MROH2B: variants seen among roughly 807,000 people sequenced by gnomAD.
The protein encoded by MROH2B is maestro heat like repeat family member 2B, also known as maestro heat-like repeat-containing protein family member 2B.
In MROH2B, 177 loss-of-function variants were observed where a neutral mutation model predicts 208.6. The observed-to-expected ratio is 0.85, with a 90% confidence interval of 0.75 to 0.96. MROH2B has a LOEUF of 0.96. Ranked by LOEUF, MROH2B falls within the 40% of genes least tolerant of loss-of-function variation. The probability of loss-of-function intolerance (pLI) is 0.00; values close to 1 mark genes in which losing one functional copy is unlikely to be tolerated. For synonymous variants in MROH2B, 728 were observed against 659.0 expected, an observed-to-expected ratio of 1.10 and a Z score of -1.60; for missense variants, 2,002 against 1,878.7, an observed-to-expected ratio of 1.07 and a Z score of -1.21.
chr5:41,059,400 C>T (rs577420426), intron 6 of MROH2B, among the ~76,000 whole-genome samples: 2 of 152,096 alleles, frequency 1.3e-5, no homozygotes, highest in Non-Finnish European at 2.9e-5. Context: ...TGACTTATTT[C>T]CTATGTTTTC....
Position 41,071,159 on chromosome 5 carries a change from G to A in MROH2B, c.-307C>T. On this transcript the variant is annotated 5_prime_UTR_variant, in exon 1 of 42. Transcript: ENST00000399564. ...GGTGACCAGAGTATTTGGGAAAGAAGTAATTAGAGACTGGGATTCAAACCA... is the reference window on the plus strand; with the variant it reads ...GGTGACCAGAGTATTTGGGAAAGAAATAATTAGAGACTGGGATTCAAACCA... The A allele has an allele frequency of 3.2e-6, 1 of 317,420 alleles. No homozygotes were observed. Among genetic ancestry groups the A allele is most frequent in the Non-Finnish European group, 5.8e-6 (1 of 171,434 alleles). The allele number at this position is 317,420 out of a possible 1,614,324, so 19.7% of individuals were successfully genotyped here. A position where few individuals can be genotyped will look rare whatever the true frequency, so the allele number is the denominator to read the frequency against.
Position 41,067,230 on chromosome 5 carries a change from C to T in MROH2B, c.91-12G>A, listed in dbSNP as rs1272405356. 1 of 1,451,412 alleles carries T rather than the reference C, an allele frequency of 6.9e-7. No individual in the cohort carries two copies. 89.9% of individuals were successfully genotyped at this position (1,451,412 alleles called of 1,614,324 possible). On this transcript the variant is annotated splice_polypyrimidine_tract_variant and intron_variant, in intron 2 of 41. Coordinates refer to ENST00000399564, the MANE Select transcript of MROH2B (RefSeq NM_173489.5). ...CTGTAAATGTCTTCCTGTGAATATA[C>T]AAAGGCATACACAGAAATTTGGCTT...
chr5:41,067,527 C>T (rs548608480), intron 2 of MROH2B, among the ~76,000 whole-genome samples: 81 of 152,018 alleles, frequency 5.3e-4, no homozygotes, highest in African/African-American at 1.5e-3. Flanking sequence ...CCACCATGCC[C>T]GAATAATTTT....
At chr5:41,049,781 C>T (rs1245137046) in intron 13 of MROH2B, among the ~76,000 whole-genome samples, 1 of 152,148 alleles carries the variant, frequency 6.6e-6, no homozygotes, top group Admixed American at 6.6e-5. Context: ...ATGTGACAAC[C>T]AAAAATCCCC....
chr5:41,012,747 C>A lies in MROH2B; in HGVS notation c.2983-12G>T. On this transcript the variant is annotated splice_polypyrimidine_tract_variant and intron_variant, in intron 29 of 41. Transcript: ENST00000399564. ...AACTTACTGACAATCTGAAAATGCA[C>A]CCAGAAAGATTCGTGTAATCAACCA... 1 of 1,612,734 alleles carries A rather than the reference C, an allele frequency of 6.2e-7. No individual in the cohort carries two copies. Among genetic ancestry groups the A allele is most frequent in the Non-Finnish European group, 8.5e-7 (1 of 1,179,346 alleles).
chr5:41,057,188 G>T lies in MROH2B; in HGVS notation c.850-10C>A, dbSNP rs1347590916. ...CTGGAGCTCTGCAGATCTGAATGGG[G>T]GTGGAAATCAGGTGGTAGATGTTAA... On this transcript the variant is annotated splice_polypyrimidine_tract_variant and intron_variant, in intron 8 of 41. Coordinates refer to ENST00000399564, the MANE Select transcript of MROH2B (RefSeq NM_173489.5). The T allele has an allele frequency of 3.7e-6, 6 of 1,613,574 alleles. No individual in the cohort carries two copies. The highest frequency in any genetic ancestry group is 5.1e-6 in the Non-Finnish European group (6 of 1,179,702).
At chr5:41,053,861 C>G (rs952175160) in intron 11 of MROH2B, among the ~76,000 whole-genome samples, 1 of 152,128 alleles carries the variant, frequency 6.6e-6, no homozygotes, top group Non-Finnish European at 1.5e-5. Context: ...GAATTTATTC[C>G]TCTTAATTGG....
At chr5:41,052,203 ATTT>A (rs2150176852) in intron 12 of MROH2B, among the ~76,000 whole-genome samples, 1 of 46,708 alleles carries the variant, frequency 2.1e-5, no homozygotes, top group African/African-American at 6.5e-5. Flanking sequence ...GTTAGAGGTG[ATTT>A]TAGAAAAAAA....
At chr5:41,053,442 G>A (rs1458340413) in intron 11 of MROH2B, among the ~76,000 whole-genome samples, 2 of 152,172 alleles carry the variant, frequency 1.3e-5, no homozygotes, top group Non-Finnish European at 2.9e-5. Context: ...TTATGAACTT[G>A]CATTATAGTA....
intron 7 of MROH2B, 123 bp downstream of exon 7, chr5:41,057,940 G>T (rs767001678): frequency 2.0e-4 from 173 of 853,132 alleles, no homozygotes; most frequent in Middle Eastern, 3.9e-4. Context: ...TTCCTCAAGA[G>T]ATATTGAAAG....
chr5:41,065,654 TG>T (rs1743786497), intron 3 of MROH2B, among the ~76,000 whole-genome samples, 164 bp from the exon 4 acceptor site: 1 of 152,180 alleles, frequency 6.6e-6, no homozygotes, highest in African/African-American at 2.4e-5. Flanking sequence ...AACTGTGTAA[TG>T]GTGAGATTTG....
At chr5:41,052,347 T>A in intron 12 of MROH2B, 118 bp downstream of exon 12, 1 of 959,812 alleles carries the variant, frequency 1.0e-6, no homozygotes. Flanking sequence ...TTTATTTATT[T>A]ATTTTTTACT....
In MROH2B at chr5:41,064,552, A is replaced by T; in HGVS notation, c.380T>A (p.Phe127Tyr). The T allele has an allele frequency of 6.2e-7, 1 of 1,613,290 alleles. No homozygotes were observed. The highest frequency in any genetic ancestry group is 8.5e-7 in the Non-Finnish European group (1 of 1,179,504). ...CATGGTGAGCAGGGTCATCATCATG[A>T]AAGGAATACTCTGGGACACTGGAGG... is the stretch of plus-strand genomic sequence containing the variant. The part of the protein sequence containing the change: ...ATSYVSQSIP[F>Y]MMMTLLTMQT... Residue 127 changes from phenylalanine to tyrosine, a missense_variant, in exon 5 of 42, where the codon TTC becomes TAC. By Grantham distance (22) the Phe-to-Tyr change is conservative. Coordinates refer to ENST00000399564, the MANE Select transcript of MROH2B (RefSeq NM_173489.5).
intron 3 of MROH2B, 21 bp from the exon 4 acceptor site, chr5:41,065,511 A>G (rs1472837820): frequency 6.2e-7 from 1 of 1,608,278 alleles, no homozygotes; most frequent in Admixed American, 1.7e-5. Context: ...AAAGAAAAAT[A>G]ACAATAACAA....
chr5:41,006,908 C>A (rs1741612469), intron 34 of MROH2B, among the ~76,000 whole-genome samples: 1 of 151,756 alleles, frequency 6.6e-6, no homozygotes, highest in African/African-American at 2.4e-5. Context: ...GATGGGTGCA[C>A]CAAAATCTCA....
chr5:41,031,253 G>A (rs1334233730), intron 24 of MROH2B, among the ~76,000 whole-genome samples: 3 of 152,064 alleles, frequency 2.0e-5, no homozygotes, highest in African/African-American at 7.2e-5. Flanking sequence ...ATGCAGCAGA[G>A]GAGAGTAAGC....
intron 25 of MROH2B, 37 bp downstream of exon 25, chr5:41,018,846 C>T: frequency 6.2e-7 from 1 of 1,613,726 alleles, no homozygotes; most frequent in East Asian, 2.2e-5. Context: ...GGCCCCACTG[C>T]AGACTGTCAT....
At chr5:41,010,101 C>G in intron 30 of MROH2B, 22 bp from the exon 31 acceptor site, 1 of 1,609,002 alleles carries the variant, frequency 6.2e-7, no homozygotes, top group African/African-American at 1.3e-5. Context: ...AAAGCCAAGT[C>G]AAACATTAAG....
intron 21 of MROH2B, among the ~76,000 whole-genome samples, chr5:41,037,074 C>A (rs1742790051): frequency 6.6e-6 from 1 of 152,086 alleles, no homozygotes; most frequent in Non-Finnish European, 1.5e-5. Context: ...CTTGCTCTGT[C>A]AACCAGGCTA....
Sources: gnomAD v4.1 joint callset for allele counts (sites outside exome capture counted in the v4.1 genomes callset) on GRCh38, gnomAD v4.1.1 for gene constraint, MANE v1.5 for transcripts, NCBI Gene and HGNC (gene_info 2026-07-23, HGNC 2026-07-21) for gene names.